The following PPIH variants were observed in gnomAD, a reference collection of about 807,000 sequenced individuals.
PPIH encodes the protein peptidyl-prolyl cis-trans isomerase H.
A neutral mutation model predicts 27.6 loss-of-function variants in PPIH; 16 were observed. The observed-to-expected ratio is 0.58, with a 90% CI of 0.39 to 0.88. PPIH has a LOEUF of 0.88. PPIH is among the 40% of genes least tolerant of loss of function. The probability of loss-of-function intolerance (pLI) is 0.00; values close to 1 mark genes in which losing one functional copy is unlikely to be tolerated. For missense variants in PPIH, 155 were observed against 224.1 expected (o/e 0.69, Z 1.97); for synonymous variants, 63 against 76.1 (o/e 0.83, Z 0.90).
At chr1:42,673,646 A>G (rs550474637) in intron 9 of PPIH, among the ~76,000 whole-genome samples, 1 of 152,354 alleles carries the variant, frequency 6.6e-6, no homozygotes, top group African/African-American at 2.4e-5. Flanking sequence ...CCAGGATGTT[A>G]TGTTTGTAAC....
At position 42,668,402 on chromosome 1, in the gene PPIH, C is replaced by T. The variant is rs114599574; in HGVS notation, c.*21+962C>T. ...CATCCTTTCCTTCCTTTCTTCCCAT[C>T]TTCCTTCCTTTACCCTTTCTTCTTC... On this transcript the variant is annotated intron_variant, in intron 9 of 9. Coordinates refer to ENST00000304979, the MANE Select transcript of PPIH (RefSeq NM_006347.4). Among the ~76,000 whole-genome samples the T allele has an allele frequency of 6.2e-3, 938 of 151,980 alleles. 10 individuals are homozygous for T. The highest frequency in any genetic ancestry group is 9.8e-3 in the Non-Finnish European group (664 of 67,956).
At chr1:42,661,609 T>G (rs1649021559) in intron 5 of PPIH, among the ~76,000 whole-genome samples, 1 of 152,200 alleles carries the variant, frequency 6.6e-6, no homozygotes, top group Admixed American at 6.5e-5. Flanking sequence ...TGAATGGTCT[T>G]TCTTTACTCT....
rs2148720055 is a variant in PPIH, at chr1:42,668,769, T to C, written c.*21+1329T>C. ...AGGTCACTTCCTTATTAGTTTGATG[T>C]ATGTCCATCAGGGCCTTTGCCTTGC... is the stretch of plus-strand genomic sequence containing the variant. On this transcript the variant is annotated intron_variant, in intron 9 of 9. Transcript: ENST00000304979. Among the ~76,000 whole-genome samples the C allele has an allele frequency of 1.3e-5, 2 of 152,360 alleles. 1 individual carries two copies. Among genetic ancestry groups the C allele is most frequent in the Middle Eastern group, 6.8e-3 (2 of 294 alleles).
chr1:42,672,129 C>A (rs373161594), intron 9 of PPIH, among the ~76,000 whole-genome samples: 3 of 152,060 alleles, frequency 2.0e-5, no homozygotes, highest in Non-Finnish European at 4.4e-5. Context: ...ATGATCCATC[C>A]GCCTCGGACT....
At chr1:42,659,030 A>G (rs6600419) in intron 2 of PPIH, 122 bp downstream of exon 2, 778,111 of 1,309,346 alleles carry the variant, frequency 0.59, 232,836 homozygotes, top group South Asian at 0.67. Context: ...TGATTCCTCC[A>G]TGCATTGCTC....
At chr1:42,677,705 A>C (rs1458794443), downstream of PPIH, among the ~76,000 whole-genome samples, 2 of 152,138 alleles carry the variant, frequency 1.3e-5, no homozygotes, top group African/African-American at 4.8e-5. Flanking sequence ...ACATACCTGT[A>C]GTCCTAACTG....
At chr1:42,681,620 GGCTA>G (rs1650019698), downstream of PPIH, 1 of 152,154 alleles carries the variant, frequency 6.6e-6, no homozygotes, top group Admixed American at 6.5e-5. Context: ...AAACAAAACA[GGCTA>G]GCTTGTTCAA....
chr1:42,661,243 T>C (rs1365750533), intron 5 of PPIH, among the ~76,000 whole-genome samples: 1 of 152,224 alleles, frequency 6.6e-6, no homozygotes, highest in Non-Finnish European at 1.5e-5. Flanking sequence ...AGAAATCAGC[T>C]GTGGTTTTTG....
chr1:42,659,707 T>G, intron 4 of PPIH, 141 bp downstream of exon 4: 1 of 1,314,224 alleles, frequency 7.6e-7, no homozygotes, highest in South Asian at 1.6e-5. Flanking sequence ...AACTGAAGAT[T>G]TATTAAATGT....
At chr1:42,679,085 G>GA (rs1649963731), downstream of PPIH, among the ~76,000 whole-genome samples, 1 of 152,252 alleles carries the variant, frequency 6.6e-6, no homozygotes, top group African/African-American at 2.4e-5. Flanking sequence ...CGGACAGCTG[G>GA]ATGGTGTGAG....
At chr1:42,659,627 C>A (rs746180439) in intron 4 of PPIH, 61 bp downstream of exon 4, 286 of 1,558,280 alleles carry the variant, frequency 1.8e-4, no homozygotes, top group Middle Eastern at 2.3e-4. Flanking sequence ...GGATTAGGCT[C>A]TTTAGAGGAA....
Position 42,664,962 on chromosome 1 carries a change from G to A in PPIH, c.336+7G>A. On this transcript the variant is annotated splice_region_variant and intron_variant, in intron 6 of 9. Coordinates refer to ENST00000304979, the MANE Select transcript of PPIH (RefSeq NM_006347.4). ...TCCAGGCCTGCTTTCCATGGTAAGT[G>A]AGGTCCAATCAAGGTTTTGGGTTAT... is the stretch of plus-strand genomic sequence containing the variant. 1.2e-6 allele frequency: 2 copies of A among 1,613,084 alleles called. No individual in the cohort carries two copies. Among genetic ancestry groups the A allele is most frequent in the Non-Finnish European group, 1.7e-6 (2 of 1,179,188 alleles).
chr1:42,660,323 C>T (rs140879080), intron 4 of PPIH, among the ~76,000 whole-genome samples: 144 of 152,338 alleles, frequency 9.5e-4, no homozygotes, highest in African/African-American at 3.2e-3. Flanking sequence ...AGATCATGCA[C>T]TTGATCAACT....
chr1:42,666,636 C>T (rs758022112), intron 8 of PPIH, 49 bp downstream of exon 8: 3 of 1,574,366 alleles, frequency 1.9e-6, no homozygotes, highest in South Asian at 1.1e-5. Context: ...TGGTCTGGTA[C>T]TGTCTGACTA....
At chr1:42,669,308 T>C (rs1350651280) in intron 9 of PPIH, among the ~76,000 whole-genome samples, 1 of 152,000 alleles carries the variant, frequency 6.6e-6, no homozygotes, top group African/African-American at 2.4e-5. Flanking sequence ...TAACATGACA[T>C]TAGAAGTGGA....
chr1:42,678,695 C>A (rs937232437), downstream of PPIH: 8 of 152,220 alleles, frequency 5.3e-5, no homozygotes, highest in African/African-American at 1.9e-4. Context: ...CACCACGCCT[C>A]GCCGATCTTT....
chr1:42,660,123 A>C (rs1462162372), intron 4 of PPIH, among the ~76,000 whole-genome samples: 1 of 152,208 alleles, frequency 6.6e-6, no homozygotes, highest in Non-Finnish European at 1.5e-5. Context: ...GAGGAAACTG[A>C]GGATAAGAAA....
At chr1:42,669,026 C>G (rs1649487481) in intron 9 of PPIH, among the ~76,000 whole-genome samples, 1 of 150,606 alleles carries the variant, frequency 6.6e-6, no homozygotes, top group Non-Finnish European at 1.5e-5. Context: ...CCTGGGCAAC[C>G]TGGTGAGATC....
rs1286831529 is a variant in PPIH at position 42,658,864 on chromosome 1, C to G, written c.87C>G (p.Ile29Met). The change falls in exon 2 of 10, where the codon ATC (isoleucine) becomes ATG (methionine). Residue 29 changes from isoleucine to methionine, a missense_variant. Ile to Met is a conservative substitution (Grantham distance 10). Coordinates refer to ENST00000304979, the MANE Select transcript of PPIH (RefSeq NM_006347.4). ...IGGQEVGRMK[I>M]ELFADVVPKT... ...TGCAGGAAGTTGGCCGCATGAAGAT[C>G]GAGCTCTTTGCAGACGTTGTGCCTA... is the stretch of plus-strand genomic sequence containing the variant. 1.9e-6 allele frequency: 3 copies of G among 1,614,226 alleles called. No individual in the cohort carries two copies. The highest frequency in any genetic ancestry group is 1.1e-5 in the South Asian group (1 of 91,080).
Sources: gnomAD v4.1 joint callset for allele counts (sites outside exome capture counted in the v4.1 genomes callset) on GRCh38, gnomAD v4.1.1 for gene constraint, MANE v1.5 for transcripts, NCBI Gene and HGNC (gene_info 2026-07-23, HGNC 2026-07-21) for gene names.